Variants in TMC1 observed in about 807,000 individuals in gnomAD.
TMC1 encodes the protein transmembrane channel like 1.
In TMC1, 84 loss-of-function variants were observed where a neutral mutation model predicts 105.8. That is an observed-to-expected ratio of 0.79 (90% CI 0.67 to 0.95). TMC1 has a LOEUF of 0.95. Ranked by LOEUF, TMC1 falls within the 40% of genes least tolerant of loss-of-function variation. The probability of loss-of-function intolerance (pLI) is 0.00; values close to 1 mark genes in which losing one functional copy is unlikely to be tolerated. For missense variants in TMC1, 817 were observed against 914.1 expected (o/e 0.89, Z 1.37); for synonymous variants, 315 against 311.5 (o/e 1.01, Z -0.12).
intron 8 of TMC1, among the ~76,000 whole-genome samples, chr9:72,737,616 T>C (rs1363819390): frequency 1.3e-5 from 2 of 152,194 alleles, no homozygotes; most frequent in African/African-American, 4.8e-5. Flanking sequence ...TCCCAGAGAC[T>C]GGATTAGAAC....
At chr9:72,677,712 T>A (rs1181364579) in intron 5 of TMC1, among the ~76,000 whole-genome samples, 2 of 152,072 alleles carry the variant, frequency 1.3e-5, no homozygotes, top group African/African-American at 2.4e-5. Flanking sequence ...CTGAAAAATG[T>A]TGGGATTGCC....
chr9:72,614,886 C>T (rs972510225), intron 2 of TMC1, among the ~76,000 whole-genome samples: 2 of 152,098 alleles, frequency 1.3e-5, no homozygotes, highest in Admixed American at 1.3e-4. Flanking sequence ...CATCATGTTG[C>T]TCAGGCTGGT....
intron 17 of TMC1, among the ~76,000 whole-genome samples, chr9:72,804,179 CA>C (rs1038948181): frequency 6.6e-6 from 1 of 152,072 alleles, no homozygotes. Context: ...GAGAGCTGAA[CA>C]GTGAGAAAAC....
At chr9:72,529,950 C>T (rs767159570) in intron 1 of TMC1, among the ~76,000 whole-genome samples, 1 of 152,186 alleles carries the variant, frequency 6.6e-6, no homozygotes, top group African/African-American at 2.4e-5. Context: ...CACCCTCCCC[C>T]TCTCTAATAG....
chr9:72,533,511 C>T (rs1313636955), intron 1 of TMC1, among the ~76,000 whole-genome samples: 1 of 152,178 alleles, frequency 6.6e-6, no homozygotes, highest in African/African-American at 2.4e-5. Context: ...GTTAAGTACA[C>T]CTAGCCAATC....
intron 1 of TMC1, among the ~76,000 whole-genome samples, chr9:72,550,041 C>T (rs1189458626): frequency 6.6e-6 from 1 of 151,898 alleles, no homozygotes; most frequent in Non-Finnish European, 1.5e-5. Flanking sequence ...AGCCACTGTG[C>T]CCAGCTCATA....
chr9:72,694,707 A>G lies in TMC1; in HGVS notation c.229A>G (p.Arg77Gly). The stretch of plus-strand genomic sequence containing the variant: ...AAAAGAGAGGAGGAGGAGGCTAAAG[A>G]GAGGAGCGTAAGTTAGTTCTGATAT... ...REKERRRRLK[R>G]GAEEEEIDEE... is the part of the protein sequence containing the mutation. Residue 77 changes from arginine to glycine, a missense_variant, in exon 7 of 24, where the codon AGA (arginine) becomes GGA (glycine). Transcript: ENST00000297784. 2 of 1,608,402 alleles carry G rather than the reference A, an allele frequency of 1.2e-6. No homozygotes were observed. The highest frequency in any genetic ancestry group is 1.7e-6 in the Non-Finnish European group (2 of 1,176,934).
chr9:72,776,123 C>A (rs1828001982), intron 13 of TMC1, among the ~76,000 whole-genome samples: 1 of 152,072 alleles, frequency 6.6e-6, no homozygotes, highest in Admixed American at 6.6e-5. Flanking sequence ...GTTTATGATC[C>A]TGGCTATAAT....
intron 8 of TMC1, among the ~76,000 whole-genome samples, chr9:72,711,080 C>G (rs1420698303): frequency 6.6e-6 from 1 of 152,220 alleles, no homozygotes; most frequent in Non-Finnish European, 1.5e-5. Flanking sequence ...ATCCGTGTCC[C>G]TGCAAAAGAC....
chr9:72,542,363 G>C (rs1265747594), intron 1 of TMC1, among the ~76,000 whole-genome samples: 1 of 152,100 alleles, frequency 6.6e-6, no homozygotes, highest in African/African-American at 2.4e-5. Context: ...TGGAGGGTGA[G>C]GCAGGAGAAT....
rs60808924 is a variant in TMC1, at chr9:72,609,179, C to CCCTTCCTTCCTTCCTTCCTT, written c.-305-7156_-305-7137dup. ...TTCTTCCTTCCCTCGCTTCCTCCTT[C>CCCTTCCTTCCTTCCTTCCTT]CCTTCCTTCCTTCCTTCCTTCCTTC... On this transcript the variant is annotated intron_variant, in intron 2 of 23. Coordinates refer to ENST00000297784, the MANE Select transcript of TMC1 (RefSeq NM_138691.3). 5.1e-3 allele frequency among the ~76,000 whole-genome samples: 690 copies of CCCTTCCTTCCTTCCTTCCTT among 136,146 alleles called. 3 individuals carry two copies. Among genetic ancestry groups the CCCTTCCTTCCTTCCTTCCTT allele is most frequent in the Middle Eastern group, 0.019 (5 of 266 alleles). The allele number at this position is 136,146 out of a possible 152,430, so 89.3% of individuals were successfully genotyped here.
intron 23 of TMC1, among the ~76,000 whole-genome samples, chr9:72,834,781 A>T (rs745506040): frequency 3.9e-4 from 59 of 152,252 alleles, no homozygotes; most frequent in Non-Finnish European, 7.5e-4. Flanking sequence ...GGGAGCAATT[A>T]TTCATTTGTA....
chr9:72,811,423 T>C (rs573405857), intron 18 of TMC1, among the ~76,000 whole-genome samples: 7 of 151,990 alleles, frequency 4.6e-5, no homozygotes, highest in Non-Finnish European at 1.0e-4. Flanking sequence ...TTCAGAAGAG[T>C]TCATGAGGAG....
intron 1 of TMC1, among the ~76,000 whole-genome samples, chr9:72,570,680 T>A (rs955522897): frequency 1.7e-5 from 1 of 57,786 alleles, no homozygotes; most frequent in Non-Finnish European, 3.3e-5. Context: ...AATTTCCTTT[T>A]TTTTTTTTTT....
intron 4 of TMC1, among the ~76,000 whole-genome samples, chr9:72,629,862 T>G (rs2132134530): frequency 6.6e-6 from 1 of 152,218 alleles, no homozygotes; most frequent in South Asian, 2.1e-4. Flanking sequence ...GGGGTATCTG[T>G]CTTTTTATTT....
chr9:72,579,041 C>T (rs992422325), intron 2 of TMC1, among the ~76,000 whole-genome samples: 2 of 152,104 alleles, frequency 1.3e-5, no homozygotes, highest in African/African-American at 4.8e-5. Context: ...TTCTTTTTAC[C>T]TCTTTATGCT....
intron 1 of TMC1, among the ~76,000 whole-genome samples, chr9:72,568,167 C>A (rs1824199564): frequency 6.6e-6 from 1 of 151,984 alleles, no homozygotes; most frequent in Non-Finnish European, 1.5e-5. Context: ...ATCCTTTCCC[C>A]AAATTTACTG....
intron 13 of TMC1, among the ~76,000 whole-genome samples, chr9:72,774,558 A>G (rs1827978962): frequency 6.6e-6 from 1 of 152,114 alleles, no homozygotes; most frequent in African/African-American, 2.4e-5. Context: ...TTGCTCGAAG[A>G]TGCCATTTGG....
At chr9:72,716,563 G>A (rs1267582900) in intron 8 of TMC1, among the ~76,000 whole-genome samples, 1 of 152,142 alleles carries the variant, frequency 6.6e-6, no homozygotes. Context: ...TGTACACTGT[G>A]AGGGTAAAAC....
Sources: allele counts gnomAD v4.1 joint callset (sites outside exome capture counted in the v4.1 genomes callset), GRCh38; gene constraint gnomAD v4.1.1; transcripts MANE v1.5; gene names NCBI Gene and HGNC (gene_info 2026-07-23, HGNC 2026-07-21).